The following SIPA1L3 variants were observed in gnomAD, a reference collection of about 807,000 sequenced individuals.
SIPA1L3 encodes the protein signal-induced proliferation-associated 1-like protein 3.
In SIPA1L3, 59 loss-of-function variants were observed where a neutral mutation model predicts 150.1. The observed-to-expected ratio is 0.39, with a 90% CI of 0.32 to 0.49. SIPA1L3 has a LOEUF of 0.49. Among genes scored for constraint, SIPA1L3 ranks in the 20% least tolerant of loss-of-function variants. The pLI is 0.86. For missense variants in SIPA1L3, 2,211 were observed against 2,489.5 expected (o/e 0.89, Z 2.38); for synonymous variants, 1,070 against 1,077.6 (o/e 0.99, Z 0.14).
chr19:38,082,395 C>T lies in SIPA1L3; in HGVS notation c.830C>T (p.Thr277Met), dbSNP rs983056159. Residue 277 changes from threonine (T) to methionine (M), a missense_variant, in exon 3 of 22, where the codon ACG (threonine) becomes ATG (methionine). Around this residue, in one of 5 missense-constraint regions of SIPA1L3, gnomAD observed 587 missense variants for 534.5 expected, o/e 1.10. Coordinates refer to ENST00000222345, the MANE Select transcript of SIPA1L3 (RefSeq NM_015073.3). ...AKDSLLPLQPTKEKEKARKKP... is the reference protein window; with the variant it reads ...AKDSLLPLQPMKEKEKARKKP... ...GACAGCCTCCTGCCACTGCAGCCCA[C>T]GAAGGAGAAGGAGAAGGCCCGGAAG... is the stretch of plus-strand genomic sequence containing the variant. The T allele has an allele frequency of 1.2e-5, 19 of 1,598,650 alleles. 1 individual carries two copies. The highest frequency in any genetic ancestry group is 9.9e-5 in the South Asian group (9 of 90,590).
At chr19:37,973,445 G>T (rs1290522501) in intron 1 of SIPA1L3, among the ~76,000 whole-genome samples, 8 of 148,212 alleles carry the variant, frequency 5.4e-5, no homozygotes, top group African/African-American at 1.7e-4. Context: ...ATATTGGCCA[G>T]GCTGGTCTCG....
chr19:38,007,576 C>T (rs1255255934), intron 1 of SIPA1L3, among the ~76,000 whole-genome samples: 1 of 151,624 alleles, frequency 6.6e-6, no homozygotes, highest in African/African-American at 2.4e-5. Flanking sequence ...GCCAGTCAGC[C>T]CTGGAGCACT....
intron 2 of SIPA1L3, among the ~76,000 whole-genome samples, chr19:38,068,149 C>T (rs1261483143): frequency 6.6e-6 from 1 of 151,728 alleles, no homozygotes; most frequent in Admixed American, 6.6e-5. Context: ...CAGCCTCCCG[C>T]GTAGCTGGGA....
At chr19:37,914,529 C>G (rs2046400895) in intron 1 of SIPA1L3, among the ~76,000 whole-genome samples, 1 of 152,030 alleles carries the variant, frequency 6.6e-6, no homozygotes, top group Non-Finnish European at 1.5e-5. Flanking sequence ...GCCACCACAC[C>G]TGGCTAATTT....
At chr19:38,015,499 A>C (rs1599906713) in intron 1 of SIPA1L3, among the ~76,000 whole-genome samples, 1 of 152,004 alleles carries the variant, frequency 6.6e-6, no homozygotes, top group South Asian at 2.1e-4. Flanking sequence ...TGAGGCGGGC[A>C]GACTGCTTGA....
chr19:38,061,356 GCC>G (rs1568527028), intron 2 of SIPA1L3, among the ~76,000 whole-genome samples: 1 of 152,044 alleles, frequency 6.6e-6, no homozygotes, highest in Non-Finnish European at 1.5e-5. Context: ...GAGCCACCGT[GCC>G]CAGCCTTTCT....
intron 1 of SIPA1L3, among the ~76,000 whole-genome samples, chr19:38,006,498 T>C (rs539941092): frequency 2.5e-4 from 38 of 152,280 alleles, no homozygotes; most frequent in African/African-American, 8.9e-4. Flanking sequence ...TCCCCCACAC[T>C]GACATGGGCA....
chr19:37,937,599 A>G (rs926484686), intron 1 of SIPA1L3, among the ~76,000 whole-genome samples: 4 of 150,924 alleles, frequency 2.7e-5, no homozygotes, highest in Non-Finnish European at 5.9e-5. Context: ...AAAATTAGCC[A>G]GGTGTGGTGG....
chr19:37,949,934 G>A (rs2145549396), intron 1 of SIPA1L3, among the ~76,000 whole-genome samples: 1 of 151,670 alleles, frequency 6.6e-6, no homozygotes, highest in Non-Finnish European at 1.5e-5. Flanking sequence ...AAAATTACCT[G>A]GGCGTGGTGG....
chr19:38,006,207 T>C (rs1023984385), intron 1 of SIPA1L3, among the ~76,000 whole-genome samples: 2 of 151,542 alleles, frequency 1.3e-5, no homozygotes, highest in Non-Finnish European at 2.9e-5. Flanking sequence ...AGGGTAGGGG[T>C]TGGGGACTGT....
intron 12 of SIPA1L3, among the ~76,000 whole-genome samples, chr19:38,149,625 C>T (rs145689284): frequency 0.015 from 2,280 of 152,272 alleles, 30 homozygotes; most frequent in Middle Eastern, 0.034. Context: ...TATTGCTGTC[C>T]TTGGCCTTTT....
intron 19 of SIPA1L3, among the ~76,000 whole-genome samples, chr19:38,199,613 A>T (rs8105175): frequency 0.14 from 20,988 of 151,728 alleles, 1,668 homozygotes; most frequent in South Asian, 0.22. Context: ...TACGGGGGAG[A>T]GGGGGGAGTA....
intron 9 of SIPA1L3, among the ~76,000 whole-genome samples, chr19:38,128,537 G>C (rs1971230615): frequency 6.6e-6 from 1 of 152,232 alleles, no homozygotes; most frequent in Non-Finnish European, 1.5e-5. Flanking sequence ...CGAATGTGTA[G>C]AGTAGTTTGT....
At chr19:38,180,820 C>T (rs1239185215) in intron 15 of SIPA1L3, among the ~76,000 whole-genome samples, 2 of 152,192 alleles carry the variant, frequency 1.3e-5, no homozygotes, top group African/African-American at 4.8e-5. Context: ...GCTGGAATTA[C>T]AGGCGTGAGC....
Position 38,000,582 on chromosome 19 carries a change from C to A in SIPA1L3, c.-378-28507C>A, listed in dbSNP as rs187519234. On this transcript the variant is annotated intron_variant, in intron 1 of 21. Coordinates refer to ENST00000222345, the MANE Select transcript of SIPA1L3 (RefSeq NM_015073.3). ...GGAAGCACTTTTCTCCCCAGCAGTC[C>A]ATGGTTTGAGGAAATAGGCTTAATT... Among the ~76,000 whole-genome samples the A allele has an allele frequency of 9.2e-3, 1,388 of 150,100 alleles. 32 individuals are homozygous for A. Among genetic ancestry groups the A allele is most frequent in the Admixed American group, 0.047 (708 of 15,068 alleles).
chr19:38,007,623 C>A (rs1487718973), intron 1 of SIPA1L3, among the ~76,000 whole-genome samples: 1 of 151,578 alleles, frequency 6.6e-6, no homozygotes, highest in Non-Finnish European at 1.5e-5. Flanking sequence ...ATTATTAATT[C>A]TTCTTCTACC....
At chr19:38,169,701 T>TC (rs1972285020) in intron 15 of SIPA1L3, among the ~76,000 whole-genome samples, 1 of 151,962 alleles carries the variant, frequency 6.6e-6, no homozygotes, top group South Asian at 2.1e-4. Flanking sequence ...AATCAGAATA[T>TC]CCCCCCTGGT....
intron 15 of SIPA1L3, among the ~76,000 whole-genome samples, chr19:38,167,469 G>C (rs937269473): frequency 3.3e-5 from 5 of 152,144 alleles, no homozygotes; most frequent in African/African-American, 1.2e-4. Context: ...TTGAGTCAAA[G>C]AGCCAGGAGA....
At chr19:38,202,543 G>A (rs1261139527) in intron 20 of SIPA1L3, among the ~76,000 whole-genome samples, 9 of 151,974 alleles carry the variant, frequency 5.9e-5, no homozygotes, top group African/African-American at 1.5e-4. Flanking sequence ...AGCCAAGATC[G>A]AGCCACTGCA....
Sources: allele counts gnomAD v4.1 joint callset (sites outside exome capture counted in the v4.1 genomes callset), GRCh38; gene constraint gnomAD v4.1.1; regional missense constraint gnomAD v4.1.1; transcripts MANE v1.5; gene names NCBI Gene and HGNC (gene_info 2026-07-23, HGNC 2026-07-21).